The following CAMTA1 variants were observed in gnomAD, a reference collection of about 807,000 sequenced individuals.
CAMTA1 encodes calmodulin binding transcription activator 1.
A neutral mutation model predicts 170.9 loss-of-function variants in CAMTA1; 27 were observed. The ratio of observed to expected loss-of-function variants is 0.16; its 90% CI spans 0.12 to 0.22. The LOEUF (loss-of-function observed/expected upper bound fraction) is 0.22. Ranked by LOEUF, CAMTA1 falls within the 10% of genes least tolerant of loss-of-function variation. The pLI is 1.00. For missense variants in CAMTA1, 1,619 were observed against 2,217.2 expected (o/e 0.73, Z 5.42); for synonymous variants, 833 against 891.5 (o/e 0.93, Z 1.17).
At chr1:7,380,434 C>T (rs1396474922) in intron 5 of CAMTA1, among the ~76,000 whole-genome samples, 4 of 152,128 alleles carry the variant, frequency 2.6e-5, no homozygotes, top group East Asian at 1.9e-4. Context: ...ATTAGCCAGG[C>T]GTGGTAGCGC....
At chr1:7,371,656 A>G (rs2086482456) in intron 5 of CAMTA1, among the ~76,000 whole-genome samples, 1 of 152,190 alleles carries the variant, frequency 6.6e-6, no homozygotes, top group Non-Finnish European at 1.5e-5. Flanking sequence ...ACACAGTGTG[A>G]GAGTTCTCAG....
At chr1:7,312,726 A>T (rs1282087690) in intron 5 of CAMTA1, among the ~76,000 whole-genome samples, 1 of 152,190 alleles carries the variant, frequency 6.6e-6, no homozygotes, top group Non-Finnish European at 1.5e-5. Flanking sequence ...GGCTGCTTCC[A>T]AAAGGGCCTT....
intron 3 of CAMTA1, among the ~76,000 whole-genome samples, chr1:6,825,522 A>G (rs990349110): frequency 4.6e-5 from 7 of 152,210 alleles, no homozygotes; most frequent in African/African-American, 1.7e-4. Flanking sequence ...CATGCCAGTT[A>G]AACGTTAGTT....
At chr1:7,429,352 A>G (rs1245378827) in intron 5 of CAMTA1, among the ~76,000 whole-genome samples, 2 of 152,158 alleles carry the variant, frequency 1.3e-5, no homozygotes, top group Non-Finnish European at 2.9e-5. Flanking sequence ...GGTGATGAGG[A>G]TGGAGATAAT....
At chr1:7,406,933 G>C (rs1219362715) in intron 5 of CAMTA1, among the ~76,000 whole-genome samples, 6 of 152,188 alleles carry the variant, frequency 3.9e-5, no homozygotes, top group African/African-American at 1.2e-4. Flanking sequence ...CCAACTGTGA[G>C]AGGGGACATT....
intron 4 of CAMTA1, among the ~76,000 whole-genome samples, chr1:7,164,011 T>C (rs1647832799): frequency 6.6e-6 from 1 of 152,192 alleles, no homozygotes; most frequent in East Asian, 1.9e-4. Context: ...TGCTCAAAAA[T>C]GTTGGTTGAA....
intron 3 of CAMTA1, among the ~76,000 whole-genome samples, chr1:6,929,489 G>A (rs1211761349): frequency 3.3e-5 from 5 of 152,010 alleles, no homozygotes; most frequent in African/African-American, 9.7e-5. Context: ...CAAGCCTCCC[G>A]AGTAGCTGGG....
intron 11 of CAMTA1, among the ~76,000 whole-genome samples, chr1:7,695,449 C>T (rs2096366173): frequency 6.6e-6 from 1 of 152,172 alleles, no homozygotes; most frequent in Non-Finnish European, 1.5e-5. Flanking sequence ...GGTGAAACGC[C>T]CTGGCATTAT....
chr1:6,919,060 A>C (rs532614886), intron 3 of CAMTA1, among the ~76,000 whole-genome samples: 1 of 152,194 alleles, frequency 6.6e-6, no homozygotes, highest in African/African-American at 2.4e-5. Context: ...TGTGACCTGA[A>C]AACACTCTGT....
intron 4 of CAMTA1, among the ~76,000 whole-genome samples, chr1:7,202,854 C>T (rs1039093902): frequency 9.9e-5 from 15 of 152,196 alleles, no homozygotes; most frequent in Admixed American, 5.9e-4. Flanking sequence ...CTTTCCAACC[C>T]GGAGGTCTTT....
chr1:6,835,440 A>G (rs181806628), intron 3 of CAMTA1, among the ~76,000 whole-genome samples: 1 of 152,334 alleles, frequency 6.6e-6, no homozygotes, highest in Admixed American at 6.5e-5. Context: ...GGAAAAAGGA[A>G]GAATATACGG....
At chr1:6,915,684 G>A (rs541289294) in intron 3 of CAMTA1, among the ~76,000 whole-genome samples, 1 of 152,316 alleles carries the variant, frequency 6.6e-6, no homozygotes, top group South Asian at 2.1e-4. Flanking sequence ...CACAGCAGAA[G>A]CAGCAGCCGG....
Position 7,144,222 on chromosome 1 carries a change from GATGGCCTTTTCTA to G in CAMTA1, c.302+52853_302+52865del, listed in dbSNP as rs1415788212. 6.6e-6 allele frequency among the ~76,000 whole-genome samples: 1 copy of G among 151,600 alleles called. No individual in the cohort carries two copies. Among genetic ancestry groups the G allele is most frequent in the Non-Finnish European group, 1.5e-5 (1 of 68,004 alleles). ...CGACTGCCTTCTTGCTATGTCCTCAGATGGCCTTTTCTAAGTGTGTGTGTGTGTGTATGTGTGT... is the reference window on the plus strand; with the variant it reads ...CGACTGCCTTCTTGCTATGTCCTCAGAGTGTGTGTGTGTGTGTATGTGTGT... On this transcript the variant is annotated intron_variant, in intron 4 of 22. Transcript: ENST00000303635. The surrounding 1 kb of genome is among the most constrained non-coding windows in gnomAD (Gnocchi z 4.0).
chr1:7,472,709 TG>T (rs2093354143), intron 6 of CAMTA1, among the ~76,000 whole-genome samples: 1 of 152,130 alleles, frequency 6.6e-6, no homozygotes, highest in Non-Finnish European at 1.5e-5. Flanking sequence ...TTGCCAGCCC[TG>T]GGTCCCCCTA....
intron 3 of CAMTA1, among the ~76,000 whole-genome samples, chr1:6,968,629 G>T (rs989659011): frequency 1.3e-5 from 2 of 152,114 alleles, no homozygotes; most frequent in African/African-American, 4.8e-5. Flanking sequence ...AAGCACAAGG[G>T]GTTACTGGAG....
chr1:7,391,511 CAT>C (rs1208229553), intron 5 of CAMTA1, among the ~76,000 whole-genome samples: 6 of 152,132 alleles, frequency 3.9e-5, no homozygotes, highest in Non-Finnish European at 8.8e-5. Context: ...ATACAATTAA[CAT>C]ATGGTAAAAA....
At chr1:7,725,370 G>T (rs1308157016) in intron 11 of CAMTA1, among the ~76,000 whole-genome samples, 1 of 152,252 alleles carries the variant, frequency 6.6e-6, no homozygotes, top group Non-Finnish European at 1.5e-5. Flanking sequence ...TGGTAGAGGA[G>T]TACTTGATCC....
At chr1:7,662,015 A>G (rs1329675455) in intron 8 of CAMTA1, 149 bp downstream of exon 8, 3 of 967,184 alleles carry the variant, frequency 3.1e-6, no homozygotes, top group Non-Finnish European at 4.5e-6. Flanking sequence ...CACCGCACCC[A>G]GCACAGACAC....
At chr1:7,622,819 T>C (rs61014722) in intron 6 of CAMTA1, among the ~76,000 whole-genome samples, 34,318 of 152,314 alleles carry the variant, frequency 0.23, 5,517 homozygotes, top group African/African-American at 0.46. Flanking sequence ...GCCAGACAGA[T>C]GTGGAGCCGC....
Sources: gnomAD v4.1 joint callset for allele counts (sites outside exome capture counted in the v4.1 genomes callset) on GRCh38, gnomAD v4.1.1 for gene constraint, Gnocchi (gnomAD v3.1) non-coding constraint, MANE v1.5 for transcripts, NCBI Gene and HGNC (gene_info 2026-07-23, HGNC 2026-07-21) for gene names.